The following GLRA2 variants were observed in gnomAD, a reference collection of about 807,000 sequenced individuals.
GLRA2 encodes glycine receptor subunit alpha-2.
Under a neutral mutation model 31.6 loss-of-function variants are expected in GLRA2, and 11 were observed. That is an observed-to-expected ratio of 0.35 (90% CI 0.22 to 0.58). The LOEUF (loss-of-function observed/expected upper bound fraction) is 0.58, where lower values mean the gene tolerates loss of function less well. Among genes scored for constraint, GLRA2 ranks in the 20% least tolerant of loss-of-function variants. The probability of loss-of-function intolerance (pLI) is 0.84; values close to 1 mark genes in which losing one functional copy is unlikely to be tolerated. For synonymous variants in GLRA2, 132 were observed against 134.0 expected (o/e 0.99, Z 0.10); for missense variants, 212 against 351.8 (o/e 0.60, Z 3.18).
At chrX:14,670,409 C>T (rs1004097069) in intron 7 of GLRA2, among the ~76,000 whole-genome samples, 2 of 111,676 alleles carry the variant, frequency 1.8e-5, no homozygotes, top group African/African-American at 6.5e-5. Context: ...TACCAGTTTA[C>T]TGTATTAGTT....
At chrX:14,657,303 A>G (rs111941084) in intron 7 of GLRA2, among the ~76,000 whole-genome samples, 22 of 112,328 alleles carry the variant, frequency 2.0e-4, no homozygotes, top group African/African-American at 7.1e-4. Context: ...GTACTTTCCA[A>G]TATAGTAATA....
chrX:14,642,195 C>T (rs1405900194), intron 7 of GLRA2, among the ~76,000 whole-genome samples: 1 of 111,657 alleles, frequency 9.0e-6, no homozygotes, highest in African/African-American at 3.3e-5. Flanking sequence ...ATAAGAGAAC[C>T]TCCTCTCTGC....
chrX:14,648,671 G>C (rs1200152326), intron 7 of GLRA2, among the ~76,000 whole-genome samples: 1 of 110,606 alleles, frequency 9.0e-6, no homozygotes, highest in Non-Finnish European at 1.9e-5. Flanking sequence ...AATTTCAACA[G>C]ACCCTGCCAA....
chrX:14,708,956 AAG>A (rs201327561), intron 8 of GLRA2, among the ~76,000 whole-genome samples: 12 of 111,707 alleles, frequency 1.1e-4, no homozygotes, highest in Admixed American at 2.8e-4. Flanking sequence ...AGAAAAAAAA[AAG>A]AGAGAGAGAC....
At chrX:14,466,016 G>A in the GLRA2 span, among the ~76,000 whole-genome samples, 2 of 111,813 alleles carry the variant, frequency 1.8e-5, no homozygotes, top group South Asian at 3.7e-4. Flanking sequence ...ATTTATCAAT[G>A]CTTATTGTTT....
chrX:14,683,774 A>G (rs1031465180), intron 7 of GLRA2, among the ~76,000 whole-genome samples: 4 of 110,445 alleles, frequency 3.6e-5, no homozygotes, highest in African/African-American at 9.9e-5. Flanking sequence ...TGGCTAGCCA[A>G]TTTTCCCAGC....
chrX:14,713,829 T>C (rs1166312367), intron 8 of GLRA2, among the ~76,000 whole-genome samples: 1 of 111,268 alleles, frequency 9.0e-6, no homozygotes, highest in Non-Finnish European at 1.9e-5. Context: ...CAAGGACTTA[T>C]GAGGAGAACC....
In GLRA2 at chrX:14,731,097, G is replaced by C. The variant is rs1208228878; in HGVS notation, c.*612G>C. ...AATGTCTGTAATTAGTGTTTCACTT[G>C]AGAAAGCCTTTTGTGGGTCGTAAAT... is the stretch of plus-strand genomic sequence containing the variant. On this transcript the variant is annotated 3_prime_UTR_variant, in exon 9 of 9. Transcript: ENST00000218075. The C allele has an allele frequency of 8.9e-6, 1 of 112,056 alleles. No individual in the cohort carries two copies. Among genetic ancestry groups the C allele is most frequent in the Non-Finnish European group, 1.9e-5 (1 of 53,271 alleles). The allele number at this position is 112,056 out of a possible 1,213,427, so 9.2% of individuals were successfully genotyped here. A position where few individuals can be genotyped will look rare whatever the true frequency, so the allele number is the denominator to read the frequency against.
chrX:14,681,311 A>G (rs2091198881), intron 7 of GLRA2, among the ~76,000 whole-genome samples: 2 of 112,067 alleles, frequency 1.8e-5, no homozygotes, highest in African/African-American at 6.5e-5. Flanking sequence ...TAAAGCACAA[A>G]GATGCAAAAA....
the GLRA2 span, among the ~76,000 whole-genome samples, chrX:14,480,839 C>T: frequency 4.5e-5 from 5 of 111,285 alleles, no homozygotes; most frequent in Middle Eastern, 4.6e-3. Flanking sequence ...TTTAGCTATT[C>T]GGGCTTTTTG....
At chrX:14,503,991 G>C in the GLRA2 span, among the ~76,000 whole-genome samples, 3 of 111,693 alleles carry the variant, frequency 2.7e-5, no homozygotes, top group Non-Finnish European at 5.6e-5. Flanking sequence ...AAGAAAATAT[G>C]CTGTAAGCTA....
chrX:14,479,116 A>G, the GLRA2 span, among the ~76,000 whole-genome samples: 1 of 108,556 alleles, frequency 9.2e-6, no homozygotes, highest in Non-Finnish European at 1.9e-5. Flanking sequence ...CATGCAGAGA[A>G]AAAAAAAAAG....
the GLRA2 span, among the ~76,000 whole-genome samples, chrX:14,493,539 AT>A: frequency 1.9e-5 from 2 of 105,867 alleles, no homozygotes; most frequent in African/African-American, 6.8e-5. Context: ...ATACACATAT[AT>A]ATACTTATAT....
chrX:14,490,443 AAC>A, the GLRA2 span, among the ~76,000 whole-genome samples: 1 of 112,163 alleles, frequency 8.9e-6, no homozygotes, highest in African/African-American at 3.2e-5. Flanking sequence ...TAATTGGAAA[AAC>A]AGTTTAAAAA....
At chrX:14,640,378 G>C (rs1441131878) in intron 7 of GLRA2, among the ~76,000 whole-genome samples, 1 of 111,513 alleles carries the variant, frequency 9.0e-6, no homozygotes, top group Non-Finnish European at 1.9e-5. Flanking sequence ...AAATAAAAAA[G>C]AGCTAAAATG....
At position 14,579,348 on chromosome X, in the gene GLRA2, T is replaced by A. The variant is rs995411932; in HGVS notation, c.271-1835T>A. ...TTACAAGCCTGACTTTTTTTTTTTT[T>A]TAATGGAGTCTCCCTCTGTTGCCCA... On this transcript the variant is annotated intron_variant, in intron 3 of 8. Coordinates refer to ENST00000218075, the MANE Select transcript of GLRA2 (RefSeq NM_002063.4). 9.9e-5 allele frequency among the ~76,000 whole-genome samples: 10 copies of A among 100,573 alleles called. No individual in the cohort carries two copies. The South Asian group carries it at 1.4e-3, about 14-fold the overall frequency. 87.3% of individuals were successfully genotyped at this position (100,573 alleles called of 115,157 possible). A position where few individuals can be genotyped will look rare whatever the true frequency, so the allele number is the denominator to read the frequency against.
At chrX:14,626,526 T>A (rs958648259) in intron 7 of GLRA2, among the ~76,000 whole-genome samples, 1 of 111,899 alleles carries the variant, frequency 8.9e-6, no homozygotes, top group African/African-American at 3.2e-5. Context: ...ACCCTGGATT[T>A]GTTGACAAGC....
At chrX:14,473,726 T>G in the GLRA2 span, among the ~76,000 whole-genome samples, 1 of 112,428 alleles carries the variant, frequency 8.9e-6, no homozygotes, top group Admixed American at 9.5e-5. Flanking sequence ...GCTTCATTTC[T>G]GTACACAGTG....
At chrX:14,711,328 C>CTGTT (rs2091706585) in intron 8 of GLRA2, among the ~76,000 whole-genome samples, 1 of 112,355 alleles carries the variant, frequency 8.9e-6, no homozygotes, top group African/African-American at 3.2e-5. Flanking sequence ...CCAGGGACAA[C>CTGTT]TGTTTATAAA....
Sources: allele counts gnomAD v4.1 joint callset (sites outside exome capture counted in the v4.1 genomes callset), GRCh38; gene constraint gnomAD v4.1.1; transcripts MANE v1.5; gene names NCBI Gene and HGNC (gene_info 2026-07-23, HGNC 2026-07-21).